FAAH: variants seen among roughly 807,000 people sequenced by gnomAD.
FAAH encodes fatty acid amide hydrolase.
FAAH carries 63 observed loss-of-function variants against 69.7 expected under a neutral mutation model. That is an observed-to-expected ratio of 0.90 (90% CI 0.74 to 1.12). FAAH has a LOEUF of 1.12. Ranked by LOEUF, FAAH falls within the 50% of genes most tolerant of loss-of-function variation. The pLI, the probability that FAAH is intolerant of heterozygous loss-of-function variation, is 0.00. For missense variants in FAAH, 680 were observed against 755.0 expected, an observed-to-expected ratio of 0.90 and a Z score of 1.16; for synonymous variants, 305 against 324.2, an observed-to-expected ratio of 0.94 and a Z score of 0.64.
chr1:46,412,216 C>A lies in FAAH; in HGVS notation c.1430C>A (p.Pro477His). 1 of 1,556,906 alleles carries A rather than the reference C, an allele frequency of 6.4e-7. No homozygotes were observed. The highest frequency in any genetic ancestry group is 2.4e-5 in the East Asian group (1 of 41,308). Residue 477 changes from proline (P) to histidine (H), a missense_variant, in exon 13 of 15, where the codon CCT (proline) becomes CAT (histidine). Physicochemically the swap from Pro to His is moderately conservative, Grantham distance 77. Transcript: ENST00000243167. The stretch of plus-strand genomic sequence containing the variant: ...GTGGTGCTGACCCCCATGCTGGCCC[C>A]TGCTCTGGACTTGAATGCCCCAGGC... ...LDVVLTPMLA[P>H]ALDLNAPGRA...
intron 9 of FAAH, 170 bp downstream of exon 9, chr1:46,409,368 G>A: frequency 1.5e-6 from 1 of 659,520 alleles, no homozygotes; most frequent in East Asian, 2.9e-5. Context: ...TGAGCCTGGA[G>A]ATCCCTTGCC....
At chr1:46,402,269 TTTCCCCTCCCTCTGTCCGCACAGGCTGTG>T in intron 2 of FAAH, 65 bp downstream of exon 2, 1 of 1,311,342 alleles carries the variant, frequency 7.6e-7, no homozygotes, top group Non-Finnish European at 1.1e-6. Context: ...AGCCCCTCCC[TTTCCCCTCCCTCTGTCCGCACAGGCTGTG>T]GGGAAAACCT....
intron 7 of FAAH, 64 bp downstream of exon 7, chr1:46,406,432 T>G: frequency 6.2e-7 from 1 of 1,607,630 alleles, no homozygotes; most frequent in Non-Finnish European, 8.5e-7. Context: ...CCAGGCCTTG[T>G]GGGCAGGCCT....
chr1:46,406,591 T>TA (rs1664801821), intron 7 of FAAH, among the ~76,000 whole-genome samples: 1 of 145,868 alleles, frequency 6.9e-6, no homozygotes, highest in South Asian at 2.3e-4. Flanking sequence ...TTCTTTTTTT[T>TA]TTTTTTTTTG....
At position 46,410,559 on chromosome 1, in the gene FAAH, C is replaced by T; in HGVS notation, c.1275+62C>T. 1 of 1,435,538 alleles carries T rather than the reference C, an allele frequency of 7.0e-7. No individual in the cohort carries two copies. The highest frequency in any genetic ancestry group is 1.4e-5 in the African/African-American group (1 of 71,530). 88.9% of individuals were successfully genotyped at this position (1,435,538 alleles called of 1,614,324 possible). On this transcript the variant is annotated intron_variant, in intron 10 of 14. Transcript: ENST00000243167. This position sits in a 1 kb window ranked among gnomAD's most constrained non-coding sequence, Gnocchi z 4.9. ...GGGGGGAACCTAGGGCCTCCTATCG[C>T]ATGATCCCCCATGGCCTCCCTCAGC...
chr1:46,394,649 A>T (rs1412185471), intron 1 of FAAH, 106 bp downstream of exon 1: 3 of 961,602 alleles, frequency 3.1e-6, no homozygotes, highest in African/African-American at 1.7e-5. Context: ...GGCAGAGCAG[A>T]TGTGTAACTC....
rs760136084 is a variant in FAAH, at chr1:46,410,781, C to G, written c.1276-33C>G. 1.2e-6 allele frequency: 2 copies of G among 1,614,108 alleles called. No homozygotes were observed. The highest frequency in any genetic ancestry group is 2.2e-5 in the South Asian group (2 of 91,078). On this transcript the variant is annotated intron_variant, in intron 10 of 14. Coordinates refer to ENST00000243167, the MANE Select transcript of FAAH (RefSeq NM_001441.3). This position sits in a 1 kb window ranked among gnomAD's most constrained non-coding sequence, Gnocchi z 4.9. ...GGTTGACGTCTGCCGTGGCCCAGAG[C>G]TGAGTCACCGACCCTGCGTCTGTCC...
rs1998186 is a variant in FAAH at position 46,404,361 on chromosome 1, C to G, written c.310-653C>G. On this transcript the variant is annotated intron_variant, in intron 2 of 14. Transcript: ENST00000243167. This position sits in a 1 kb window ranked among gnomAD's most constrained non-coding sequence, Gnocchi z 4.5. ...ACTGAAAGCTGCATCTCACTCTGCC[C>G]TCACCTTTCCTTCTGTAGGACCCTG... Among the ~76,000 whole-genome samples, 849 of 152,372 alleles carry G rather than the reference C, an allele frequency of 5.6e-3. 7 individuals are homozygous for G. Among genetic ancestry groups the G allele is most frequent in the African/African-American group, 0.019 (799 of 41,590 alleles).
At chr1:46,397,625 GAT>G (rs1173626608) in intron 1 of FAAH, among the ~76,000 whole-genome samples, 1 of 151,840 alleles carries the variant, frequency 6.6e-6, no homozygotes, top group African/African-American at 2.4e-5. Flanking sequence ...GCAATGGTGC[GAT>G]CTCGGCTTAC....
intron 14 of FAAH, 71 bp from the exon 15 acceptor site, chr1:46,413,376 G>T (rs1664951714): frequency 6.2e-7 from 1 of 1,612,272 alleles, no homozygotes; most frequent in South Asian, 1.1e-5. Flanking sequence ...TCTCTAGCTG[G>T]GTGCTTCCTG....
intron 1 of FAAH, among the ~76,000 whole-genome samples, chr1:46,396,362 C>A (rs566074225): frequency 6.6e-6 from 1 of 152,272 alleles, no homozygotes; most frequent in South Asian, 2.1e-4. Flanking sequence ...GAGATAGATG[C>A]CTTCCTCTTA....
In FAAH at chr1:46,405,556, G is replaced by C. The variant is rs1045103935; in HGVS notation, c.579-32G>C. The C allele has an allele frequency of 6.2e-7, 1 of 1,613,124 alleles. No individual in the cohort carries two copies. The highest frequency in any genetic ancestry group is 1.3e-5 in the African/African-American group (1 of 75,080). On this transcript the variant is annotated intron_variant, in intron 4 of 14. Transcript: ENST00000243167. The surrounding 1 kb of genome is among the most constrained non-coding windows in gnomAD (Gnocchi z 4.1). ...GGGGCAGGGGCACCGGTCCCAGCAT[G>C]GCACGGGCTGACCCATTCTTGGCTC...
At chr1:46,412,398 G>T (rs924958873) in intron 13 of FAAH, 147 bp downstream of exon 13, 1 of 701,810 alleles carries the variant, frequency 1.4e-6, no homozygotes, top group African/African-American at 1.8e-5. Context: ...CAGTCATGTG[G>T]GTTGCCCTGG....
chr1:46,408,486 G>A lies in FAAH; in HGVS notation c.979G>A (p.Val327Met). Reference sequence around the variant, plus strand: ...CTACACCAGCTCTCAGCCCCTGCGTGTGGGGTACTATGAGACTGACAACTA... The same window carrying A: ...CTACACCAGCTCTCAGCCCCTGCGTATGGGGTACTATGAGACTGACAACTA... The part of the protein sequence containing the change: ...EVYTSSQPLR[V>M]GYYETDNYTM... The change falls in exon 8 of 15, where the codon GTG (valine) becomes ATG (methionine). Residue 327 changes from valine to methionine, a missense_variant. Coordinates refer to ENST00000243167, the MANE Select transcript of FAAH (RefSeq NM_001441.3). 2 of 1,614,182 alleles carry A rather than the reference G, an allele frequency of 1.2e-6. No individual in the cohort carries two copies. Among genetic ancestry groups the A allele is most frequent in the South Asian group, 2.2e-5 (2 of 91,080 alleles).
intron 8 of FAAH, 25 bp downstream of exon 8, chr1:46,408,609 A>G: frequency 1.2e-6 from 2 of 1,614,078 alleles, no homozygotes; most frequent in East Asian, 2.2e-5. Context: ...TCCTGGAAGT[A>G]CTGGCATCTC....
At position 46,405,702 on chromosome 1, in the gene FAAH, C is replaced by A. The variant is rs72890799; in HGVS notation, c.693C>A (p.Pro231=). ...EGALIGSGGS[P]LGLGTDIGGS... is the part of the protein sequence containing the mutation. ...CCCTCATCGGGTCTGGAGGCTCCCC[C>A]CTGGGCTTAGGCACTGATATCGGAG... is the stretch of plus-strand genomic sequence containing the variant. The change falls in exon 5 of 15, where the codon CCC becomes CCA. Residue 231 remains proline (P), a synonymous_variant. Transcript: ENST00000243167. The surrounding 1 kb of genome is among the most constrained non-coding windows in gnomAD (Gnocchi z 4.1). 1.1e-4 allele frequency: 170 copies of A among 1,613,602 alleles called. No individual in the cohort carries two copies. Among genetic ancestry groups the A allele is most frequent in the Middle Eastern group, 4.9e-4 (3 of 6,062 alleles).
chr1:46,394,885 A>C (rs17102179), intron 1 of FAAH, among the ~76,000 whole-genome samples: 6 of 152,206 alleles, frequency 3.9e-5, no homozygotes, highest in Non-Finnish European at 8.8e-5. Flanking sequence ...GGACTTTGGA[A>C]TCGCAGAGTG....
rs373647956 is a variant in FAAH, at chr1:46,413,080, G to A, written c.1471G>A (p.Val491Ile). 19 of 1,613,972 alleles carry A rather than the reference G, an allele frequency of 1.2e-5. No individual in the cohort carries two copies. The East Asian group carries it at 1.3e-4, about 11-fold the overall frequency. ...LNAPGRATGA[V>I]SYTMLYNCLD... ...CTGCCTGTAATGTGTTCCAGGGGCC[G>A]TCAGCTACACTATGCTGTACAACTG... is the stretch of plus-strand genomic sequence containing the variant. Residue 491 changes from valine (V) to isoleucine (I), a missense_variant, in exon 14 of 15, where the codon GTC (valine) becomes ATC (isoleucine). By Grantham distance (29) the Val-to-Ile change is conservative. Transcript: ENST00000243167.
intron 1 of FAAH, among the ~76,000 whole-genome samples, chr1:46,400,102 G>A (rs1467539948): frequency 4.0e-5 from 6 of 151,838 alleles, no homozygotes; most frequent in Non-Finnish European, 7.4e-5. Flanking sequence ...ATGAATTCAG[G>A]GAAGTGCTCC....
Sources: allele counts gnomAD v4.1 joint callset (sites outside exome capture counted in the v4.1 genomes callset), GRCh38; gene constraint gnomAD v4.1.1; non-coding constraint Gnocchi (gnomAD v3.1); transcripts MANE v1.5; gene names NCBI Gene and HGNC (gene_info 2026-07-23, HGNC 2026-07-21).